Variants in RAB38 observed in about 807,000 individuals in gnomAD.
RAB38 encodes RAB38, member RAS oncogene family, also known as ras-related protein Rab-38.
In RAB38, 15 loss-of-function variants were observed where a neutral mutation model predicts 18.4. The ratio of observed to expected loss-of-function variants is 0.82; its 90% CI spans 0.55 to 1.26. The LOEUF (loss-of-function observed/expected upper bound fraction) is 1.26, where lower values mean the gene tolerates loss of function less well. Among genes scored for constraint, RAB38 ranks in the 50% most tolerant of loss-of-function variants. The pLI is 0.00. For synonymous variants in RAB38, 101 were observed against 104.4 expected (o/e 0.97, Z 0.20); for missense variants, 294 against 267.4 (o/e 1.10, Z -0.69).
At chr11:88,033,881 C>T in the RAB38 span, among the ~76,000 whole-genome samples, 1 of 152,046 alleles carries the variant, frequency 6.6e-6, no homozygotes, top group South Asian at 2.1e-4. Context: ...GCAGCCGCCA[C>T]TATGCCCGGT....
the RAB38 span, among the ~76,000 whole-genome samples, chr11:88,103,595 T>C: frequency 6.6e-6 from 1 of 152,124 alleles, no homozygotes; most frequent in East Asian, 1.9e-4. Flanking sequence ...ACGCTTTAAG[T>C]GAGAAGGAAT....
chr11:87,914,909 G>A, the RAB38 span, among the ~76,000 whole-genome samples: 1 of 152,156 alleles, frequency 6.6e-6, no homozygotes. Context: ...GCTTCTACAA[G>A]GTGTTAGGGC....
At chr11:87,958,516 C>T in the RAB38 span, among the ~76,000 whole-genome samples, 2 of 152,054 alleles carry the variant, frequency 1.3e-5, no homozygotes, top group South Asian at 2.1e-4. Context: ...CCCCAGGAAG[C>T]GAGGCTCTTA....
At chr11:88,029,723 C>G in the RAB38 span, among the ~76,000 whole-genome samples, 1 of 152,070 alleles carries the variant, frequency 6.6e-6, no homozygotes, top group Non-Finnish European at 1.5e-5. Flanking sequence ...CACCCAGATT[C>G]ATAAAGCAAG....
At chr11:88,070,983 C>T in the RAB38 span, among the ~76,000 whole-genome samples, 4 of 152,092 alleles carry the variant, frequency 2.6e-5, no homozygotes, top group Non-Finnish European at 4.4e-5. Context: ...CAAGCATGGG[C>T]TAATATGAAC....
the RAB38 span, among the ~76,000 whole-genome samples, chr11:87,932,079 C>T: frequency 6.6e-6 from 1 of 151,876 alleles, no homozygotes; most frequent in African/African-American, 2.4e-5. Context: ...ACCATGTCCA[C>T]CCCAAGCCTA....
At chr11:88,052,139 T>C in the RAB38 span, among the ~76,000 whole-genome samples, 1 of 151,610 alleles carries the variant, frequency 6.6e-6, no homozygotes, top group East Asian at 1.9e-4. Flanking sequence ...AAATAAATAA[T>C]AAAAGAATAA....
At chr11:87,883,843 T>C in the RAB38 span, among the ~76,000 whole-genome samples, 1 of 151,976 alleles carries the variant, frequency 6.6e-6, no homozygotes. Flanking sequence ...TGTTTCTTTC[T>C]TAGATCTTCC....
At chr11:88,053,887 T>A in the RAB38 span, among the ~76,000 whole-genome samples, 1 of 152,002 alleles carries the variant, frequency 6.6e-6, no homozygotes, top group South Asian at 2.1e-4. Flanking sequence ...CATTCTTACT[T>A]ATGTCATTGC....
At chr11:87,836,860 T>G in the RAB38 span, among the ~76,000 whole-genome samples, 1 of 152,200 alleles carries the variant, frequency 6.6e-6, no homozygotes, top group African/African-American at 2.4e-5. Context: ...TTTTGTACTT[T>G]AAATTCCCAC....
chr11:87,951,033 T>C, the RAB38 span, among the ~76,000 whole-genome samples: 2 of 152,194 alleles, frequency 1.3e-5, no homozygotes, highest in African/African-American at 2.4e-5. Context: ...CAATCAGACA[T>C]AGAGTTGGTC....
the RAB38 span, among the ~76,000 whole-genome samples, chr11:88,094,939 A>G: frequency 1.3e-5 from 2 of 151,810 alleles, no homozygotes; most frequent in African/African-American, 4.8e-5. Flanking sequence ...TATTCCACTG[A>G]GAAAGCAAAA....
chr11:87,976,232 T>G, the RAB38 span, among the ~76,000 whole-genome samples: 1 of 146,454 alleles, frequency 6.8e-6, no homozygotes, highest in African/African-American at 2.5e-5. Flanking sequence ...TACCTATATA[T>G]ATATACACCT....
At chr11:88,117,174 C>G (rs1048574243) in intron 2 of RAB38, among the ~76,000 whole-genome samples, 1 of 152,178 alleles carries the variant, frequency 6.6e-6, no homozygotes, top group African/African-American at 2.4e-5. Flanking sequence ...AGTAGCAGTT[C>G]ATGGTGACTG....
At chr11:88,099,787 T>C in the RAB38 span, among the ~76,000 whole-genome samples, 5 of 151,982 alleles carry the variant, frequency 3.3e-5, no homozygotes, top group African/African-American at 1.2e-4. Flanking sequence ...AGCACACTCT[T>C]AGTACATAGG....
chr11:87,938,759 A>G, the RAB38 span, among the ~76,000 whole-genome samples: 1 of 151,380 alleles, frequency 6.6e-6, no homozygotes, highest in Admixed American at 6.6e-5. Context: ...CTTCAACTCC[A>G]AGGCAAGTAT....
chr11:87,924,916 A>C, the RAB38 span, among the ~76,000 whole-genome samples: 1 of 151,990 alleles, frequency 6.6e-6, no homozygotes, highest in African/African-American at 2.4e-5. Context: ...ACAAATGGAC[A>C]TATCTTGTGG....
the RAB38 span, among the ~76,000 whole-genome samples, chr11:88,045,049 A>C: frequency 4.6e-5 from 7 of 152,300 alleles, no homozygotes; most frequent in African/African-American, 1.7e-4. Flanking sequence ...GACCTCTCCC[A>C]AAATCAGTTA....
the RAB38 span, among the ~76,000 whole-genome samples, chr11:88,106,734 T>C: frequency 6.6e-6 from 1 of 152,208 alleles, no homozygotes; most frequent in African/African-American, 2.4e-5. Context: ...ATTTTACCCT[T>C]GTCTTCAAGA....
Sources: gnomAD v4.1 joint callset for allele counts (sites outside exome capture counted in the v4.1 genomes callset) on GRCh38, gnomAD v4.1.1 for gene constraint, MANE v1.5 for transcripts, NCBI Gene and HGNC (gene_info 2026-07-23, HGNC 2026-07-21) for gene names.